Variants in NSUN6 observed in about 807,000 individuals in gnomAD.
NSUN6 encodes the protein tRNA (cytosine(72)-C(5))-methyltransferase NSUN6.
Under a neutral mutation model 58.0 loss-of-function variants are expected in NSUN6, and 64 were observed. The ratio of observed to expected loss-of-function variants is 1.10; its 90% CI spans 0.90 to 1.36. The LOEUF (loss-of-function observed/expected upper bound fraction) is 1.36. Ranked by LOEUF, NSUN6 falls within the 40% of genes most tolerant of loss-of-function variation. NSUN6 has a pLI of 0.00. For missense variants in NSUN6, 701 were observed against 550.1 expected, an observed-to-expected ratio of 1.27 and a Z score of -2.74; for synonymous variants, 231 against 193.9, an observed-to-expected ratio of 1.19 and a Z score of -1.59.
rs1005439070 is a variant in NSUN6 at position 18,624,026 on chromosome 10, T to C, written c.312-7733A>G. Among the ~76,000 whole-genome samples, 8 of 152,048 alleles carry C rather than the reference T, an allele frequency of 5.3e-5. No homozygotes were observed. In the South Asian group the frequency reaches 6.2e-4, roughly 12 times the overall value. ...GCAGAAATAATTCATTCTGCATTCA[T>C]TGGTGGCACACACATACACAAAAAG... is the stretch of plus-strand genomic sequence containing the variant. On this transcript the variant is annotated intron_variant, in intron 3 of 10. Transcript: ENST00000377304.
At chr10:18,608,024 T>C (rs2058102306) in intron 6 of NSUN6, among the ~76,000 whole-genome samples, 1 of 152,206 alleles carries the variant, frequency 6.6e-6, no homozygotes, top group South Asian at 2.1e-4. Context: ...CTTATAAGTT[T>C]CAATGGCCAT....
chr10:18,625,232 A>C (rs2058750019), intron 3 of NSUN6, among the ~76,000 whole-genome samples: 1 of 152,186 alleles, frequency 6.6e-6, no homozygotes, highest in Non-Finnish European at 1.5e-5. Context: ...TGTGAGTCTT[A>C]GCCAATCACT....
At chr10:18,611,556 G>A (rs974910332) in intron 5 of NSUN6, among the ~76,000 whole-genome samples, 1 of 152,048 alleles carries the variant, frequency 6.6e-6, no homozygotes, top group Non-Finnish European at 1.5e-5. Flanking sequence ...CAGACACAGG[G>A]TCTCACTCTG....
intron 8 of NSUN6, among the ~76,000 whole-genome samples, chr10:18,573,794 A>G (rs1487863998): frequency 1.3e-5 from 2 of 152,160 alleles, no homozygotes; most frequent in East Asian, 3.9e-4. Context: ...CAAGTGAAGA[A>G]TAAGGTGTGA....
upstream of NSUN6, chr10:18,655,025 C>T (rs994225258): frequency 1.4e-5 from 14 of 969,796 alleles, no homozygotes; most frequent in Non-Finnish European, 1.6e-5. Flanking sequence ...TATACCTTAC[C>T]GAGAACTTCC....
intron 6 of NSUN6, among the ~76,000 whole-genome samples, chr10:18,600,101 C>T (rs2057745969): frequency 6.6e-6 from 1 of 152,064 alleles, no homozygotes; most frequent in East Asian, 1.9e-4. Flanking sequence ...ACAATACACC[C>T]CACTTACCAC....
intron 6 of NSUN6, among the ~76,000 whole-genome samples, chr10:18,603,225 G>A (rs573968336): frequency 1.1e-4 from 16 of 152,110 alleles, no homozygotes; most frequent in African/African-American, 2.7e-4. Flanking sequence ...CCTGGGAGGC[G>A]GAGGTTGCAG....
intron 2 of NSUN6, among the ~76,000 whole-genome samples, chr10:18,643,322 G>T (rs897363405): frequency 2.0e-5 from 3 of 151,720 alleles, no homozygotes; most frequent in South Asian, 2.1e-4. Flanking sequence ...GGATGACAGG[G>T]ACCGTATACT....
rs2056791019 is a variant in NSUN6, at chr10:18,579,076, T to G, written c.922+6873A>C. On this transcript the variant is annotated intron_variant, in intron 8 of 10. Coordinates refer to ENST00000377304, the MANE Select transcript of NSUN6 (RefSeq NM_182543.5). ...CACCAGAATGACCCCCAGACATACC[T>G]GGCGTGAGTGAAGTTTCTTTTATTC... 2.0e-5 allele frequency among the ~76,000 whole-genome samples: 3 copies of G among 152,364 alleles called. No individual in the cohort carries two copies. The South Asian group carries it at 6.2e-4, about 32-fold the overall frequency.
intron 8 of NSUN6, among the ~76,000 whole-genome samples, chr10:18,567,532 C>T (rs1225514897): frequency 2.7e-5 from 4 of 148,468 alleles, no homozygotes; most frequent in African/African-American, 4.9e-5. Context: ...CATCCCATTC[C>T]GTTCTCCATT....
At chr10:18,554,472 A>C (rs752758167) in intron 8 of NSUN6, among the ~76,000 whole-genome samples, 32 of 151,780 alleles carry the variant, frequency 2.1e-4, no homozygotes, top group Non-Finnish European at 4.3e-4. Flanking sequence ...AATGGAATGG[A>C]GTGGAGAATG....
At chr10:18,555,998 T>C (rs2054987996) in intron 8 of NSUN6, among the ~76,000 whole-genome samples, 1 of 143,168 alleles carries the variant, frequency 7.0e-6, no homozygotes, top group African/African-American at 2.6e-5. Context: ...GATAATAGAA[T>C]GGAATATGGA....
intron 7 of NSUN6, among the ~76,000 whole-genome samples, chr10:18,588,142 A>C (rs1483975442): frequency 6.6e-6 from 1 of 152,162 alleles, no homozygotes; most frequent in Non-Finnish European, 1.5e-5. Flanking sequence ...AGTGCTAAGG[A>C]GACTGGGAGG....
At chr10:18,625,725 A>ATT (rs1564819281) in intron 3 of NSUN6, among the ~76,000 whole-genome samples, 5 of 146,304 alleles carry the variant, frequency 3.4e-5, no homozygotes, top group African/African-American at 1.0e-4. Flanking sequence ...TTTTTTAAAA[A>ATT]AAAAAAAAAA....
chr10:18,613,622 T>C (rs1178684627), intron 5 of NSUN6, among the ~76,000 whole-genome samples: 1 of 152,208 alleles, frequency 6.6e-6, no homozygotes, highest in Admixed American at 6.5e-5. Context: ...AATCTTTATA[T>C]TCATGAAGCC....
chr10:18,555,178 GGAATGGAATGGA>G (rs2054898791), intron 8 of NSUN6, among the ~76,000 whole-genome samples: 1 of 151,054 alleles, frequency 6.6e-6, no homozygotes, highest in South Asian at 2.1e-4. Context: ...AATGGAGGAT[GGAATGGAATGGA>G]GAATGGAATG....
chr10:18,551,611 C>A, intron 9 of NSUN6: 1 of 411,236 alleles, frequency 2.4e-6, no homozygotes, highest in Non-Finnish European at 4.3e-6. Flanking sequence ...CATGTTGTGC[C>A]TGTATCAGAA....
At chr10:18,608,500 G>T (rs188461994) in intron 6 of NSUN6, among the ~76,000 whole-genome samples, 1 of 151,906 alleles carries the variant, frequency 6.6e-6, no homozygotes, top group Non-Finnish European at 1.5e-5. Context: ...AGCAGGGTGC[G>T]GTGGCGCATG....
chr10:18,648,399 A>T, intron 2 of NSUN6, 91 bp downstream of exon 2: 1 of 733,416 alleles, frequency 1.4e-6, no homozygotes, highest in East Asian at 2.5e-5. Flanking sequence ...TAAAACTGGA[A>T]GTGTATTATA....
Sources: gnomAD v4.1 joint callset for allele counts (sites outside exome capture counted in the v4.1 genomes callset) on GRCh38, gnomAD v4.1.1 for gene constraint, MANE v1.5 for transcripts, NCBI Gene and HGNC (gene_info 2026-07-23, HGNC 2026-07-21) for gene names.